Variants in ZNF619 observed in about 807,000 individuals in gnomAD.
The protein encoded by ZNF619 is zinc finger protein 619.
ZNF619 carries 9 observed loss-of-function variants against 14.2 expected under a neutral mutation model. The ratio of observed to expected loss-of-function variants is 0.64; its 90% confidence interval spans 0.38 to 1.11. The LOEUF is 1.11. Among genes scored for constraint, ZNF619 ranks in the 50% least tolerant of loss-of-function variants. ZNF619 has a pLI of 0.01. For synonymous variants in ZNF619, 246 were observed against 252.8 expected, an observed-to-expected ratio of 0.97 and a Z score of 0.26; for missense variants, 659 against 680.1, an observed-to-expected ratio of 0.97 and a Z score of 0.34.
chr3:40,488,404 T>A lies in ZNF619; in HGVS notation c.*163T>A. The A allele has an allele frequency of 1.7e-6, 1 of 581,710 alleles. No homozygotes were observed. The highest frequency in any genetic ancestry group is 3.0e-6 in the Non-Finnish European group (1 of 330,024). 36.0% of individuals were successfully genotyped at this position (581,710 alleles called of 1,614,324 possible). On this transcript the variant is annotated 3_prime_UTR_variant, in exon 5 of 5. Transcript: ENST00000432264. ...GCTTAAGGACCATGTTTGATTAGTT[T>A]CTTTTATCCCCCGGTAGGAAATGGC... is the stretch of plus-strand genomic sequence containing the variant.
At chr3:40,485,568 G>A (rs1004381710) in intron 4 of ZNF619, among the ~76,000 whole-genome samples, 2 of 152,166 alleles carry the variant, frequency 1.3e-5, no homozygotes, top group African/African-American at 4.8e-5. Context: ...CTCCCAAAGT[G>A]CTGGGATTAC....
chr3:40,481,172 C>T (rs1041299096), intron 2 of ZNF619, among the ~76,000 whole-genome samples: 6 of 152,088 alleles, frequency 3.9e-5, no homozygotes, highest in Non-Finnish European at 7.4e-5. Context: ...GTCCTTCTTC[C>T]CTGAGAAGCT....
rs976353987 is a variant in ZNF619, at chr3:40,488,767, T to C, written c.*526T>C. The C allele has an allele frequency of 6.5e-6, 1 of 153,076 alleles. No individual in the cohort carries two copies. Among genetic ancestry groups the C allele is most frequent in the Non-Finnish European group, 1.5e-5 (1 of 68,778 alleles). 9.5% of individuals were successfully genotyped at this position (153,076 alleles called of 1,614,324 possible). On this transcript the variant is annotated 3_prime_UTR_variant, in exon 5 of 5. Coordinates refer to ENST00000432264, the MANE Select transcript of ZNF619 (RefSeq NM_001145093.4). ...CCTCTGCCTCCAGGGTTCAAGTGATTCTCATGCCTCAGCCTCCCGAGTAGC... is the reference window on the plus strand; with the variant it reads ...CCTCTGCCTCCAGGGTTCAAGTGATCCTCATGCCTCAGCCTCCCGAGTAGC...
intron 4 of ZNF619, among the ~76,000 whole-genome samples, chr3:40,486,459 G>A (rs1042660329): frequency 4.6e-5 from 7 of 152,084 alleles, no homozygotes; most frequent in African/African-American, 1.7e-4. Context: ...AGGCTGAGCT[G>A]GGCAGGCTGA....
chr3:40,477,945 T>C lies in ZNF619; in HGVS notation c.-35T>C, dbSNP rs779152013. On this transcript the variant is annotated 5_prime_UTR_variant, in exon 2 of 5. Transcript: ENST00000432264. ...CCGCAGGTTCTTACTTTTTCAAACC[T>C]AGAGGGCAGTGCATGAAGCCAGGGG... 4 of 1,553,196 alleles carry C rather than the reference T, an allele frequency of 2.6e-6. No homozygotes were observed. In the Admixed American group the frequency reaches 7.8e-5, roughly 30 times the overall value.
At chr3:40,482,973 G>T (rs889411541) in intron 4 of ZNF619, among the ~76,000 whole-genome samples, 6 of 152,320 alleles carry the variant, frequency 3.9e-5, no homozygotes, top group African/African-American at 1.4e-4. Flanking sequence ...CACTTTGGGA[G>T]GCCAAGGTGG....
At position 40,490,959 on chromosome 3, in the gene ZNF619, A is replaced by G. The variant is rs1051956022; in HGVS notation, c.*2718A>G. On this transcript the variant is annotated 3_prime_UTR_variant, in exon 5 of 5. Coordinates refer to ENST00000432264, the MANE Select transcript of ZNF619 (RefSeq NM_001145093.4). ...ATCTTGCCATGTGATGCTTTCCATC[A>G]TGTTATGACACAGCAAGAAGGCCAG... Among the ~76,000 whole-genome samples, 1 of 152,140 alleles carries G rather than the reference A, an allele frequency of 6.6e-6. No homozygotes were observed. The highest frequency in any genetic ancestry group is 1.5e-5 in the Non-Finnish European group (1 of 68,028).
rs913495347 is a variant in ZNF619 at position 40,490,735 on chromosome 3, A to G, written c.*2494A>G. 6.6e-6 allele frequency among the ~76,000 whole-genome samples: 1 copy of G among 152,244 alleles called. No individual in the cohort carries two copies. The highest frequency in any genetic ancestry group is 1.5e-5 in the Non-Finnish European group (1 of 68,042). ...TTCTCTAGCTTTATTATAAGAATAT[A>G]GTGTCTAATATGTATAACATAAAAA... On this transcript the variant is annotated 3_prime_UTR_variant, in exon 5 of 5. Coordinates refer to ENST00000432264, the MANE Select transcript of ZNF619 (RefSeq NM_001145093.4).
At chr3:40,482,369 C>T (rs572326804) in intron 3 of ZNF619, 136 of 1,567,506 alleles carry the variant, frequency 8.7e-5, no homozygotes, top group Middle Eastern at 1.8e-4. Context: ...CTAGGGCCCT[C>T]GTGTACACAC....
chr3:40,491,005 C>G lies in ZNF619; in HGVS notation c.*2764C>G, dbSNP rs1353840678. Reference sequence around the variant, plus strand: ...GCCAGATACGGCCCCTCCACAGTTCCCAGCCCTCGGAACCATGAGCTAAAT... The same window carrying G: ...GCCAGATACGGCCCCTCCACAGTTCGCAGCCCTCGGAACCATGAGCTAAAT... On this transcript the variant is annotated 3_prime_UTR_variant, in exon 5 of 5. Coordinates refer to ENST00000432264, the MANE Select transcript of ZNF619 (RefSeq NM_001145093.4). 6.6e-6 allele frequency among the ~76,000 whole-genome samples: 1 copy of G among 152,086 alleles called. No individual in the cohort carries two copies. The highest frequency in any genetic ancestry group is 1.5e-5 in the Non-Finnish European group (1 of 68,024).
rs946863916 is a variant in ZNF619, at chr3:40,489,358, G to A, written c.*1117G>A. Reference sequence around the variant, plus strand: ...AGTGCAGCCTCCCAGTTTCTCAGAGGGCTGAGGTGGGAGGATTGCTTGAGC... The same window carrying A: ...AGTGCAGCCTCCCAGTTTCTCAGAGAGCTGAGGTGGGAGGATTGCTTGAGC... On this transcript the variant is annotated 3_prime_UTR_variant, in exon 5 of 5. Coordinates refer to ENST00000432264, the MANE Select transcript of ZNF619 (RefSeq NM_001145093.4). The A allele has an allele frequency of 2.7e-5, 4 of 146,680 alleles. No individual in the cohort carries two copies. Among genetic ancestry groups the A allele is most frequent in the African/African-American group, 7.5e-5 (3 of 40,000 alleles). 9.1% of individuals were successfully genotyped at this position (146,680 alleles called of 1,614,324 possible). A position where few individuals can be genotyped will look rare whatever the true frequency, so the allele number is the denominator to read the frequency against.
chr3:40,478,602 G>A (rs1398121102), intron 2 of ZNF619, among the ~76,000 whole-genome samples: 1 of 152,062 alleles, frequency 6.6e-6, no homozygotes, highest in South Asian at 2.1e-4. Flanking sequence ...ATGCGAAGAC[G>A]TCAGTCTAAC....
chr3:40,490,598 C>T lies in ZNF619; in HGVS notation c.*2357C>T, dbSNP rs1442513517. On this transcript the variant is annotated 3_prime_UTR_variant, in exon 5 of 5. Transcript: ENST00000432264. ...GGCAAGACCAGTCTCCCTCCTCTCC[C>T]CTTCTCAGCCTGCTTAACAAAATGA... 6.6e-6 allele frequency among the ~76,000 whole-genome samples: 1 copy of T among 152,142 alleles called. No individual in the cohort carries two copies. Among genetic ancestry groups the T allele is most frequent in the Non-Finnish European group, 1.5e-5 (1 of 68,042 alleles).
intron 3 of ZNF619, 42 bp downstream of exon 3, chr3:40,482,058 G>A: frequency 1.3e-6 from 2 of 1,566,162 alleles, no homozygotes; most frequent in East Asian, 4.5e-5. Context: ...TCTGCCCTTG[G>A]GAGCTCCTAG....
intron 2 of ZNF619, among the ~76,000 whole-genome samples, chr3:40,479,036 A>G (rs1467075293): frequency 1.3e-5 from 2 of 152,162 alleles, no homozygotes; most frequent in African/African-American, 4.8e-5. Context: ...CAAAAGTATC[A>G]AGAGTCAATA....
intron 4 of ZNF619, among the ~76,000 whole-genome samples, chr3:40,486,212 T>G (rs1279241898): frequency 1.3e-5 from 2 of 152,206 alleles, no homozygotes; most frequent in Non-Finnish European, 2.9e-5. Flanking sequence ...CTACTTTTCT[T>G]CATTGCTTCC....
At chr3:40,482,778 G>T in intron 4 of ZNF619, 74 bp downstream of exon 4, 3 of 1,201,228 alleles carry the variant, frequency 2.5e-6, no homozygotes, top group Non-Finnish European at 3.5e-6. Flanking sequence ...GCATGAAAAA[G>T]GTTTTTCCTT....
At chr3:40,484,173 G>A (rs1235256582) in intron 4 of ZNF619, among the ~76,000 whole-genome samples, 2 of 151,988 alleles carry the variant, frequency 1.3e-5, no homozygotes, top group Non-Finnish European at 2.9e-5. Context: ...TGATTCTCCT[G>A]CCTCAGCCTC....
intron 2 of ZNF619, 76 bp from the exon 3 acceptor site, chr3:40,481,787 T>C (rs1697401800): frequency 3.3e-6 from 5 of 1,528,704 alleles, no homozygotes; most frequent in Non-Finnish European, 4.4e-6. Context: ...AAACCTTCCA[T>C]GGGGCTCAGT....
Sources: allele counts gnomAD v4.1 joint callset (sites outside exome capture counted in the v4.1 genomes callset), GRCh38; gene constraint gnomAD v4.1.1; transcripts MANE v1.5; gene names NCBI Gene and HGNC (gene_info 2026-07-23, HGNC 2026-07-21).